Variants in CDC6 observed in about 807,000 individuals in gnomAD.
CDC6 encodes DNA replication factor CDC6.
In CDC6, 46 loss-of-function variants were observed where a neutral mutation model predicts 60.2. The observed-to-expected ratio is 0.76, with a 90% CI of 0.60 to 0.98. CDC6 has a LOEUF of 0.98. CDC6 is among the 50% of genes least tolerant of loss of function. CDC6 has a pLI of 0.00. For synonymous variants in CDC6, 210 were observed against 233.2 expected (o/e 0.90, Z 0.90); for missense variants, 596 against 652.9 (o/e 0.91, Z 0.95).
chr17:40,295,404 C>G lies in CDC6; in HGVS notation c.1132C>G (p.Arg378Gly). The G allele has an allele frequency of 4.3e-6, 7 of 1,613,604 alleles. No homozygotes were observed. Among genetic ancestry groups the G allele is most frequent in the Non-Finnish European group, 5.9e-6 (7 of 1,179,806 alleles). ...CAATGCTGCAGTTCAATTCTGTGCC[C>G]GCAAAGTCTCTGCTGTTTCAGGAGA... ...LDNAAVQFCA[R>G]KVSAVSGDVR... Residue 378 changes from arginine (R) to glycine (G), a missense_variant, in exon 8 of 12, where the codon CGC becomes GGC. Transcript: ENST00000209728.
At chr17:40,292,230 T>G (rs553978457) in intron 4 of CDC6, among the ~76,000 whole-genome samples, 1 of 149,874 alleles carries the variant, frequency 6.7e-6, no homozygotes, top group East Asian at 2.1e-4. Context: ...GGTTTCACCA[T>G]GTTGCCCAGA....
In CDC6 at chr17:40,289,706, T is replaced by C. The variant is rs796521883; in HGVS notation, c.178+108T>C. 1,194 of 415,038 alleles carry C rather than the reference T, an allele frequency of 2.9e-3. 9 individuals carry two copies. Among genetic ancestry groups the C allele is most frequent in the African/African-American group, 0.025 (1,110 of 43,662 alleles). The allele number at this position is 415,038 out of a possible 1,614,324, so 25.7% of individuals were successfully genotyped here. ...TTTCTAAGTTCAGTTAAGACTTCTT[T>C]TTTTTTTTTTTTTTTTTTTTGAGAC... is the stretch of plus-strand genomic sequence containing the variant. On this transcript the variant is annotated intron_variant, in intron 2 of 11. Coordinates refer to ENST00000209728, the MANE Select transcript of CDC6 (RefSeq NM_001254.4).
At chr17:40,301,373 G>C (rs774503099) in intron 10 of CDC6, 95 bp from the exon 11 acceptor site, 68 of 1,250,920 alleles carry the variant, frequency 5.4e-5, no homozygotes, top group Non-Finnish European at 7.5e-5. Flanking sequence ...ATTCAGATAA[G>C]TTTTTGCAAA....
chr17:40,289,703 CTTTTTTTTTTT>C (rs34020648), intron 2 of CDC6, 105 bp downstream of exon 2: 44 of 333,866 alleles, frequency 1.3e-4, no homozygotes, highest in African/African-American at 6.4e-4. Context: ...GTTAAGACTT[CTTTTTTTTTTT>C]TTTTTTTTTT....
intron 4 of CDC6, among the ~76,000 whole-genome samples, chr17:40,291,891 G>A (rs1401883656): frequency 1.3e-5 from 2 of 152,044 alleles, no homozygotes; most frequent in South Asian, 4.1e-4. Context: ...GACTACAGGC[G>A]CCCGCCACCA....
intron 2 of CDC6, among the ~76,000 whole-genome samples, chr17:40,290,420 A>G (rs925496507): frequency 9.2e-5 from 14 of 152,264 alleles, no homozygotes; most frequent in African/African-American, 3.1e-4. Flanking sequence ...GCTAGACATT[A>G]CAATGCACAG....
intron 5 of CDC6, 70 bp from the exon 6 acceptor site, chr17:40,293,880 A>G (rs2032813160): frequency 1.5e-6 from 2 of 1,322,706 alleles, no homozygotes; most frequent in South Asian, 2.3e-5. Flanking sequence ...AGTGACCTGA[A>G]GTCAGCCTAT....
At position 40,301,483 on chromosome 17, in the gene CDC6, A is replaced by C. The variant is rs747843523; in HGVS notation, c.1468A>C (p.Ser490Arg). ...TTCCTACCAGTTATATGAAGCCTACAGTAAAGTCTGTCGCAAACAGCAGGT... is the reference window on the plus strand; with the variant it reads ...TTCCTACCAGTTATATGAAGCCTACCGTAAAGTCTGTCGCAAACAGCAGGT... ...VTLGKLYEAY[S>R]KVCRKQQVAA... The change falls in exon 11 of 12, where the codon AGT becomes CGT. Residue 490 changes from serine to arginine, a missense_variant. Physicochemically the swap from Ser to Arg is moderately radical, Grantham distance 110. Coordinates refer to ENST00000209728, the MANE Select transcript of CDC6 (RefSeq NM_001254.4). The C allele has an allele frequency of 6.2e-7, 1 of 1,614,140 alleles. No individual in the cohort carries two copies. Among genetic ancestry groups the C allele is most frequent in the Middle Eastern group, 1.6e-4 (1 of 6,062 alleles).
At chr17:40,294,820 G>A (rs1190675591) in intron 7 of CDC6, among the ~76,000 whole-genome samples, 2 of 151,802 alleles carry the variant, frequency 1.3e-5, no homozygotes, top group Non-Finnish European at 2.9e-5. Flanking sequence ...TGCCTCACGG[G>A]TTCAAGCGAT....
At chr17:40,290,966 A>G in intron 2 of CDC6, 92 bp from the exon 3 acceptor site, 1 of 1,327,148 alleles carries the variant, frequency 7.5e-7, no homozygotes, top group Non-Finnish European at 1.1e-6. Context: ...TAAGGTAGAA[A>G]TTCACCTCTT....
Position 40,302,292 on chromosome 17 carries a change from GA to G in CDC6, c.*293del. Reference sequence around the variant, plus strand: ...TGCAAGTGTACAGATCTGTGTAGAGGAATGTGTGTATATTTACCTCTTCGTT... The same window carrying G: ...TGCAAGTGTACAGATCTGTGTAGAGGATGTGTGTATATTTACCTCTTCGTT... On this transcript the variant is annotated 3_prime_UTR_variant, in exon 12 of 12. Transcript: ENST00000209728. 1 of 400,534 alleles carries G rather than the reference GA, an allele frequency of 2.5e-6. No homozygotes were observed. The highest frequency in any genetic ancestry group is 2.7e-5 in the South Asian group (1 of 36,640). The allele number at this position is 400,534 out of a possible 1,614,324, so 24.8% of individuals were successfully genotyped here.
chr17:40,300,996 G>C lies in CDC6; in HGVS notation c.1418G>C (p.Arg473Thr). 6.2e-7 allele frequency: 1 copy of C among 1,613,976 alleles called. No individual in the cohort carries two copies. The highest frequency in any genetic ancestry group is 8.5e-7 in the Non-Finnish European group (1 of 1,179,938). ...ILVCSLMLLI[R>T]QLKIKEVTLG... ...GTTTGCTCTTTGATGCTCTTGATCA[G>C]GCAGTTGAAAATCAAAGAGGTCACT... is the stretch of plus-strand genomic sequence containing the variant. Residue 473 changes from arginine to threonine, a missense_variant, in exon 10 of 12, where the codon AGG becomes ACG. Transcript: ENST00000209728.
chr17:40,296,841 A>G, intron 9 of CDC6, 74 bp downstream of exon 9: 3 of 993,590 alleles, frequency 3.0e-6, no homozygotes, highest in Non-Finnish European at 4.9e-6. Context: ...AGGTAGAAAG[A>G]TGAAATGAAC....
In CDC6 at chr17:40,294,036, A is replaced by G. The variant is rs372249642; in HGVS notation, c.923A>G (p.Asn308Ser). The G allele has an allele frequency of 1.4e-5, 22 of 1,612,974 alleles. No individual in the cohort carries two copies. In the African/African-American group the frequency reaches 2.4e-4, roughly 18 times the overall value. The change falls in exon 6 of 12, where the codon AAT (asparagine) becomes AGT (serine). Residue 308 changes from asparagine to serine, a missense_variant. Asn to Ser is a conservative substitution (Grantham distance 46). Coordinates refer to ENST00000209728, the MANE Select transcript of CDC6 (RefSeq NM_001254.4). ...CTATTTGAATGGCCATGGCTAAGCA[A>G]TTCTCACTTGGTGCTGATTGGTTAG... ...YTLFEWPWLS[N>S]SHLVLIGIAN...
chr17:40,301,665 TA>T lies in CDC6; in HGVS notation c.1593+60del, dbSNP rs1056064762. 20 of 1,559,998 alleles carry T rather than the reference TA, an allele frequency of 1.3e-5. No homozygotes were observed. The Admixed American group carries it at 3.2e-4, about 25-fold the overall frequency. ...ATTGTCCTATTTTGTAGAGTGATGC[TA>T]AAGTAAAGGTTTATTGTTAAACAAG... On this transcript the variant is annotated intron_variant, in intron 11 of 11. Coordinates refer to ENST00000209728, the MANE Select transcript of CDC6 (RefSeq NM_001254.4).
intron 9 of CDC6, among the ~76,000 whole-genome samples, chr17:40,299,343 G>C (rs1304490733): frequency 6.6e-6 from 1 of 151,068 alleles, no homozygotes; most frequent in Non-Finnish European, 1.5e-5. Flanking sequence ...AGCGATGGGG[G>C]AAACCCATCG....
intron 9 of CDC6, among the ~76,000 whole-genome samples, chr17:40,300,302 CT>C (rs1455883280): frequency 2.0e-5 from 3 of 152,156 alleles, no homozygotes; most frequent in Non-Finnish European, 1.5e-5. Flanking sequence ...CAGTCACCAT[CT>C]TTGCTTCAAG....
intron 6 of CDC6, 110 bp from the exon 7 acceptor site, chr17:40,294,254 C>T (rs2032823666): frequency 7.0e-6 from 7 of 1,000,842 alleles, no homozygotes; most frequent in South Asian, 5.3e-5. Flanking sequence ...TGGCAAGCAA[C>T]AATTAGAATG....
At chr17:40,296,637 G>C (rs1443596805) in intron 8 of CDC6, 66 bp from the exon 9 acceptor site, 3 of 894,186 alleles carry the variant, frequency 3.4e-6, no homozygotes, top group Non-Finnish European at 5.7e-6. Context: ...TGCCGCTTTT[G>C]AGGCTGGTGG....
Sources: allele counts gnomAD v4.1 joint callset (sites outside exome capture counted in the v4.1 genomes callset), GRCh38; gene constraint gnomAD v4.1.1; transcripts MANE v1.5; gene names NCBI Gene and HGNC (gene_info 2026-07-23, HGNC 2026-07-21).